The following TPMT variants were observed in gnomAD, a reference collection of about 807,000 sequenced individuals.
TPMT encodes S-adenosyl-L-methionine:thiopurine S-methyltransferase.
A neutral mutation model predicts 34.2 loss-of-function variants in TPMT; 18 were observed. That is an observed-to-expected ratio of 0.53 (90% CI 0.36 to 0.78). The LOEUF (loss-of-function observed/expected upper bound fraction) is 0.78. TPMT is among the 30% of genes least tolerant of loss of function. TPMT has a pLI of 0.00. For synonymous variants in TPMT, 69 were observed against 92.4 expected, an observed-to-expected ratio of 0.75 and a Z score of 1.45; for missense variants, 265 against 288.1, an observed-to-expected ratio of 0.92 and a Z score of 0.58.
rs1443522185 is a variant in TPMT at position 18,131,684 on chromosome 6, G to A, written c.625+449C>T. 6.6e-6 allele frequency among the ~76,000 whole-genome samples: 1 copy of A among 152,040 alleles called. No individual in the cohort carries two copies. The highest frequency in any genetic ancestry group is 2.4e-5 in the African/African-American group (1 of 41,398). The stretch of plus-strand genomic sequence containing the variant: ...ATACAGAGCATATTTACAGAGATTA[G>A]TTCCTTTTCTAAGATAAAACAACTT... On this transcript the variant is annotated intron_variant, in intron 8 of 8. Coordinates refer to ENST00000309983, the MANE Select transcript of TPMT (RefSeq NM_000367.5). The surrounding 1 kb of genome is among the most constrained non-coding windows in gnomAD (Gnocchi z 4.3).
At chr6:18,141,537 G>A (rs1010963520) in intron 4 of TPMT, among the ~76,000 whole-genome samples, 3 of 151,926 alleles carry the variant, frequency 2.0e-5, no homozygotes, top group African/African-American at 4.8e-5. Context: ...ATGGGGTTTC[G>A]CCATGTTGGC....
At chr6:18,151,793 C>T (rs1012910370) in intron 1 of TPMT, among the ~76,000 whole-genome samples, 2 of 151,988 alleles carry the variant, frequency 1.3e-5, no homozygotes, top group African/African-American at 4.8e-5. Flanking sequence ...TCAGACTTTC[C>T]ATAGATGGAT....
At position 18,146,220 on chromosome 6, in the gene TPMT, T is replaced by C. The variant is rs919492244; in HGVS notation, c.233+1603A>G. ...ATTTACGTATATATACATATATATA[T>C]ATTTTTTGGAGACAGAGTCTCACTC... On this transcript the variant is annotated intron_variant, in intron 3 of 8. Coordinates refer to ENST00000309983, the MANE Select transcript of TPMT (RefSeq NM_000367.5). The surrounding 1 kb of genome is among the most constrained non-coding windows in gnomAD (Gnocchi z 6.2). Among the ~76,000 whole-genome samples the C allele has an allele frequency of 2.0e-5, 3 of 151,928 alleles. No homozygotes were observed. The highest frequency in any genetic ancestry group is 2.9e-5 in the Non-Finnish European group (2 of 67,994).
chr6:18,141,180 G>T (rs1477552628), intron 4 of TPMT, among the ~76,000 whole-genome samples: 1 of 152,192 alleles, frequency 6.6e-6, no homozygotes, highest in African/African-American at 2.4e-5. Flanking sequence ...CAAATGTGCA[G>T]CCTGGGCGGG....
In TPMT at chr6:18,150,010, G is replaced by A. The variant is rs1452041804; in HGVS notation, c.-44-839C>T. On this transcript the variant is annotated intron_variant, in intron 1 of 8. Coordinates refer to ENST00000309983, the MANE Select transcript of TPMT (RefSeq NM_000367.5). The surrounding 1 kb of genome is among the most constrained non-coding windows in gnomAD (Gnocchi z 5.3). Reference sequence around the variant, plus strand: ...GTTGGGTATCTTCTGATTTAATTCTGACATTACCTACCTGGAGATAGTGTC... The same window carrying A: ...GTTGGGTATCTTCTGATTTAATTCTAACATTACCTACCTGGAGATAGTGTC... Among the ~76,000 whole-genome samples the A allele has an allele frequency of 6.6e-6, 1 of 151,236 alleles. No homozygotes were observed. Among genetic ancestry groups the A allele is most frequent in the African/African-American group, 2.4e-5 (1 of 41,382 alleles).
chr6:18,137,356 C>T (rs1233201569), intron 6 of TPMT, among the ~76,000 whole-genome samples: 11 of 152,080 alleles, frequency 7.2e-5, no homozygotes, highest in Admixed American at 6.6e-4. Flanking sequence ...AGGCTGGTCT[C>T]GAACTCCTGA....
chr6:18,151,957 C>T (rs539227198), intron 1 of TPMT, among the ~76,000 whole-genome samples: 2 of 152,262 alleles, frequency 1.3e-5, no homozygotes, highest in South Asian at 2.1e-4. Flanking sequence ...AACTGTGTAT[C>T]ATATCTTCTC....
rs758453897 is a variant in TPMT at position 18,143,276 on chromosome 6, T to G, written c.366+320A>C. ...AGTGAGGGGGGTGTGCTGTGTTATC[T>G]TTATCTCTTCAATGTCTTAGGCAGG... On this transcript the variant is annotated intron_variant, in intron 4 of 8. Transcript: ENST00000309983. This position sits in a 1 kb window ranked among gnomAD's most constrained non-coding sequence, Gnocchi z 6.1. 2.6e-5 allele frequency among the ~76,000 whole-genome samples: 4 copies of G among 152,172 alleles called. No individual in the cohort carries two copies. The highest frequency in any genetic ancestry group is 5.9e-5 in the Non-Finnish European group (4 of 68,028).
In TPMT at chr6:18,132,109, T is replaced by TA; in HGVS notation, c.625+23dup. On this transcript the variant is annotated intron_variant, in intron 8 of 8. Coordinates refer to ENST00000309983, the MANE Select transcript of TPMT (RefSeq NM_000367.5). This position sits in a 1 kb window ranked among gnomAD's most constrained non-coding sequence, Gnocchi z 4.8. ...GTTAACTTGACTTTGTTTAAAAAGT[T>TA]ACAGCATAAGTCCACAAACTTACCA... The TA allele has an allele frequency of 6.2e-7, 1 of 1,613,718 alleles. No homozygotes were observed. Among genetic ancestry groups the TA allele is most frequent in the Non-Finnish European group, 8.5e-7 (1 of 1,179,686 alleles).
intron 6 of TPMT, among the ~76,000 whole-genome samples, chr6:18,134,772 C>T (rs934768267): frequency 1.3e-5 from 2 of 152,162 alleles, no homozygotes; most frequent in African/African-American, 4.8e-5. Flanking sequence ...GGAGGCTGAC[C>T]GTTGAAGGCA....
rs990018927 is a variant in TPMT, at chr6:18,135,265, C to T, written c.495-1376G>A. Among the ~76,000 whole-genome samples the T allele has an allele frequency of 3.3e-5, 5 of 152,126 alleles. No individual in the cohort carries two copies. Among genetic ancestry groups the T allele is most frequent in the Admixed American group, 1.3e-4 (2 of 15,270 alleles). On this transcript the variant is annotated intron_variant, in intron 6 of 8. Coordinates refer to ENST00000309983, the MANE Select transcript of TPMT (RefSeq NM_000367.5). This position sits in a 1 kb window ranked among gnomAD's most constrained non-coding sequence, Gnocchi z 5.0. ...ATTTTTCAGAAGAAACTTGCTGTCC[C>T]CATGAGGGGGATGTCAGACTGGTTT...
At chr6:18,141,064 C>T (rs1784128994) in intron 4 of TPMT, among the ~76,000 whole-genome samples, 1 of 152,262 alleles carries the variant, frequency 6.6e-6, no homozygotes, top group South Asian at 2.1e-4. Flanking sequence ...TCAAGGGGAG[C>T]TTTAAACAGT....
At chr6:18,133,229 C>T (rs1026807500) in intron 7 of TPMT, among the ~76,000 whole-genome samples, 2 of 152,120 alleles carry the variant, frequency 1.3e-5, no homozygotes, top group African/African-American at 4.8e-5. Context: ...CCAGCCATGA[C>T]AAAGGTTAAG....
rs1783970671 is a variant in TPMT at position 18,132,820 on chromosome 6, A to G, written c.581-643T>C. On this transcript the variant is annotated intron_variant, in intron 7 of 8. Coordinates refer to ENST00000309983, the MANE Select transcript of TPMT (RefSeq NM_000367.5). The surrounding 1 kb of genome is among the most constrained non-coding windows in gnomAD (Gnocchi z 4.8). ...AGCAGAAACAAAATACTAGCTGGGA[A>G]CGGTGGCTCACGCCTGTAATCCCAG... is the stretch of plus-strand genomic sequence containing the variant. Among the ~76,000 whole-genome samples the G allele has an allele frequency of 6.6e-6, 1 of 151,900 alleles. No homozygotes were observed. Among genetic ancestry groups the G allele is most frequent in the African/African-American group, 2.4e-5 (1 of 41,376 alleles).
chr6:18,146,935 T>G lies in TPMT; in HGVS notation c.233+888A>C, dbSNP rs1784256663. Among the ~76,000 whole-genome samples, 1 of 152,164 alleles carries G rather than the reference T, an allele frequency of 6.6e-6. No homozygotes were observed. The highest frequency in any genetic ancestry group is 1.5e-5 in the Non-Finnish European group (1 of 68,028). Reference sequence around the variant, plus strand: ...CAGAATAGACCATTTTTTAGGTTATTATATTTTACATTTATTAATATTTTA... The same window carrying G: ...CAGAATAGACCATTTTTTAGGTTATGATATTTTACATTTATTAATATTTTA... On this transcript the variant is annotated intron_variant, in intron 3 of 8. Transcript: ENST00000309983. This position sits in a 1 kb window ranked among gnomAD's most constrained non-coding sequence, Gnocchi z 6.2.
intron 1 of TPMT, among the ~76,000 whole-genome samples, chr6:18,152,709 C>T (rs1784376565): frequency 6.6e-6 from 1 of 151,692 alleles, no homozygotes; most frequent in African/African-American, 2.4e-5. Flanking sequence ...ACCTTGAAAA[C>T]TGAGTTCTGG....
At position 18,148,479 on chromosome 6, in the gene TPMT, C is replaced by A. The variant is rs1784290045; in HGVS notation, c.140+509G>T. ...GAATGTCTCTAACAACCACTTTACT[C>A]AGCACTGGTCCCATGATTTATTGCT... On this transcript the variant is annotated intron_variant, in intron 2 of 8. Coordinates refer to ENST00000309983, the MANE Select transcript of TPMT (RefSeq NM_000367.5). This position sits in a 1 kb window ranked among gnomAD's most constrained non-coding sequence, Gnocchi z 4.1. Among the ~76,000 whole-genome samples, 1 of 152,208 alleles carries A rather than the reference C, an allele frequency of 6.6e-6. No individual in the cohort carries two copies. The highest frequency in any genetic ancestry group is 2.4e-5 in the African/African-American group (1 of 41,452).
At chr6:18,142,206 T>C (rs977343790) in intron 4 of TPMT, among the ~76,000 whole-genome samples, 2 of 150,428 alleles carry the variant, frequency 1.3e-5, no homozygotes, top group Non-Finnish European at 3.0e-5. Flanking sequence ...CTCTTTCTCT[T>C]TTTTTTTTGC....
rs1362790406 is a variant in TPMT, at chr6:18,145,572, A to G, written c.234-1844T>C. On this transcript the variant is annotated intron_variant, in intron 3 of 8. Transcript: ENST00000309983. This position sits in a 1 kb window ranked among gnomAD's most constrained non-coding sequence, Gnocchi z 5.6. ...TATAGCAGGACTGACTGTACCTTTT[A>G]TCTACAAAAGAGTACGTACTTTCAA... Among the ~76,000 whole-genome samples the G allele has an allele frequency of 6.6e-6, 1 of 152,226 alleles. No homozygotes were observed. The highest frequency in any genetic ancestry group is 1.5e-5 in the Non-Finnish European group (1 of 68,036).
Sources: gnomAD v4.1 joint callset for allele counts (sites outside exome capture counted in the v4.1 genomes callset) on GRCh38, gnomAD v4.1.1 for gene constraint, Gnocchi (gnomAD v3.1) non-coding constraint, MANE v1.5 for transcripts, NCBI Gene and HGNC (gene_info 2026-07-23, HGNC 2026-07-21) for gene names.